WDR27: variants seen among roughly 807,000 people sequenced by gnomAD.
The protein encoded by WDR27 is WD repeat domain 27.
In WDR27, 100 loss-of-function variants were observed where a neutral mutation model predicts 114.4. That is an observed-to-expected ratio of 0.87 (90% confidence interval 0.74 to 1.03). The LOEUF is 1.03. Ranked by LOEUF, WDR27 falls within the 50% of genes least tolerant of loss-of-function variation. The probability of loss-of-function intolerance (pLI) is 0.00; values close to 1 mark genes in which losing one functional copy is unlikely to be tolerated. For missense variants in WDR27, 1,129 were observed against 1,092.9 expected, an observed-to-expected ratio of 1.03 and a Z score of -0.47; for synonymous variants, 449 against 423.1, an observed-to-expected ratio of 1.06 and a Z score of -0.75.
intron 25 of WDR27, among the ~76,000 whole-genome samples, chr6:169,566,184 G>A (rs73790018): frequency 1.8e-3 from 260 of 147,824 alleles, no homozygotes; most frequent in African/African-American, 6.4e-3. Flanking sequence ...AATTATGTAA[G>A]AAATAAAACA....
the WDR27 span, among the ~76,000 whole-genome samples, chr6:169,428,208 A>G: frequency 2.0e-5 from 3 of 152,140 alleles, no homozygotes; most frequent in African/African-American, 7.2e-5. Context: ...CATTTTCTCC[A>G]GTGGAGAGCT....
At chr6:169,448,392 A>G in the WDR27 span, among the ~76,000 whole-genome samples, 102 of 132,034 alleles carry the variant, frequency 7.7e-4, no homozygotes, top group African/African-American at 2.4e-3. Flanking sequence ...CTCTGTCTCT[A>G]TGTGTGTGTG....
intron 22 of WDR27, among the ~76,000 whole-genome samples, chr6:169,606,824 T>C (rs1279723294): frequency 2.0e-5 from 3 of 152,244 alleles, no homozygotes; most frequent in Non-Finnish European, 4.4e-5. Flanking sequence ...TTTGGGTATA[T>C]ACCCAGTAAT....
At chr6:169,465,473 A>T (rs1461674699) in intron 25 of WDR27, among the ~76,000 whole-genome samples, 1 of 152,190 alleles carries the variant, frequency 6.6e-6, no homozygotes, top group Non-Finnish European at 1.5e-5. Context: ...AGCTGCTATG[A>T]AAACAGTATG....
intron 21 of WDR27, among the ~76,000 whole-genome samples, chr6:169,620,514 A>G (rs1420720647): frequency 6.6e-6 from 1 of 152,198 alleles, no homozygotes; most frequent in Non-Finnish European, 1.5e-5. Flanking sequence ...TATTCAGTGG[A>G]AAGCTGATCA....
intron 25 of WDR27, among the ~76,000 whole-genome samples, chr6:169,489,168 G>C (rs967816440): frequency 9.2e-5 from 14 of 152,130 alleles, no homozygotes; most frequent in Non-Finnish European, 8.8e-5. Flanking sequence ...AGAGGCAGAT[G>C]AGAACCCAGG....
At chr6:169,449,211 A>G in the WDR27 span, among the ~76,000 whole-genome samples, 2 of 152,190 alleles carry the variant, frequency 1.3e-5, no homozygotes, top group Non-Finnish European at 2.9e-5. Context: ...TAAATGGATT[A>G]CTACATTCTG....
At chr6:169,621,214 G>A (rs80330490) in intron 21 of WDR27, among the ~76,000 whole-genome samples, 1,943 of 151,788 alleles carry the variant, frequency 0.013, 41 homozygotes, top group African/African-American at 0.044. Context: ...GCTCGCATAT[G>A]CATATACACA....
At chr6:169,429,421 G>T in the WDR27 span, among the ~76,000 whole-genome samples, 2 of 141,254 alleles carry the variant, frequency 1.4e-5, no homozygotes, top group Admixed American at 7.1e-5. Context: ...TCTGCAACAA[G>T]ACTGAGTCCT....
At chr6:169,520,332 G>T (rs973354218) in intron 25 of WDR27, among the ~76,000 whole-genome samples, 1 of 152,062 alleles carries the variant, frequency 6.6e-6, no homozygotes, top group African/African-American at 2.4e-5. Flanking sequence ...ACCATCTAGT[G>T]CCAAAAAGGA....
intron 21 of WDR27, among the ~76,000 whole-genome samples, chr6:169,620,015 C>T (rs901075331): frequency 1.3e-4 from 20 of 152,084 alleles, no homozygotes; most frequent in African/African-American, 4.8e-4. Flanking sequence ...TAATGTTATG[C>T]CAGAGCCAGG....
the WDR27 span, chr6:169,426,741 T>G: frequency 1.3e-5 from 2 of 152,104 alleles, no homozygotes; most frequent in African/African-American, 4.9e-5. Flanking sequence ...GGTGTCACTG[T>G]GCTGCACAGT....
intron 24 of WDR27, among the ~76,000 whole-genome samples, chr6:169,580,292 A>C (rs1554297368): frequency 6.6e-6 from 1 of 152,258 alleles, no homozygotes; most frequent in Non-Finnish European, 1.5e-5. Context: ...TGCTTCACAC[A>C]AGAACTTCAT....
intron 25 of WDR27, among the ~76,000 whole-genome samples, chr6:169,460,419 A>G (rs1424230509): frequency 7.2e-5 from 11 of 152,318 alleles, no homozygotes; most frequent in African/African-American, 2.6e-4. Flanking sequence ...GGTAGCCACA[A>G]AGAAAACAGC....
intron 25 of WDR27, among the ~76,000 whole-genome samples, chr6:169,482,877 A>C (rs1788383278): frequency 6.6e-6 from 1 of 152,242 alleles, no homozygotes; most frequent in South Asian, 2.1e-4. Flanking sequence ...CAAGACTAAG[A>C]AAATTGCTCC....
intron 25 of WDR27, among the ~76,000 whole-genome samples, chr6:169,548,277 T>C (rs959161001): frequency 2.0e-5 from 3 of 152,172 alleles, no homozygotes; most frequent in African/African-American, 7.2e-5. Flanking sequence ...ACACATTCAG[T>C]GCAACCCCAA....
At chr6:169,588,558 A>C (rs1805089985) in intron 23 of WDR27, among the ~76,000 whole-genome samples, 1 of 152,198 alleles carries the variant, frequency 6.6e-6, no homozygotes, top group African/African-American at 2.4e-5. Context: ...CATGTTGTTC[A>C]AGGGTCAGCT....
intron 25 of WDR27, among the ~76,000 whole-genome samples, chr6:169,476,805 T>C (rs117621865): frequency 6.6e-6 from 1 of 152,244 alleles, no homozygotes; most frequent in Non-Finnish European, 1.5e-5. Context: ...AGTGACCTTG[T>C]TGAATTATGT....
intron 5 of WDR27, 33 bp from the exon 6 acceptor site, chr6:169,667,220 T>C: frequency 6.8e-7 from 1 of 1,467,022 alleles, no homozygotes; most frequent in South Asian, 1.5e-5. Context: ...TTAGAAGAGG[T>C]AACAACGTTG....
Sources: gnomAD v4.1 joint callset for allele counts (sites outside exome capture counted in the v4.1 genomes callset) on GRCh38, gnomAD v4.1.1 for gene constraint, MANE v1.5 for transcripts, NCBI Gene and HGNC (gene_info 2026-07-23, HGNC 2026-07-21) for gene names.